SPIDR: variants seen among roughly 807,000 people sequenced by gnomAD.
The protein encoded by SPIDR is scaffold protein involved in DNA repair.
SPIDR carries 93 observed loss-of-function variants against 104.6 expected under a neutral mutation model. The observed-to-expected ratio is 0.89, with a 90% confidence interval of 0.75 to 1.06. SPIDR has a LOEUF of 1.06. Ranked by LOEUF, SPIDR falls within the 50% of genes least tolerant of loss-of-function variation. The pLI, the probability that SPIDR is intolerant of heterozygous loss-of-function variation, is 0.00. For missense variants in SPIDR, 1,154 were observed against 1,111.2 expected (o/e 1.04, Z -0.55); for synonymous variants, 431 against 416.9 (o/e 1.03, Z -0.41).
chr8:47,592,414 A>G, intron 8 of SPIDR: 1 of 1,429,940 alleles, frequency 7.0e-7, no homozygotes, highest in Non-Finnish European at 9.9e-7. Context: ...AGGGGCTGCC[A>G]TTGAGTATTC....
chr8:47,539,145 G>C (rs1469631016), intron 8 of SPIDR, among the ~76,000 whole-genome samples: 1 of 152,060 alleles, frequency 6.6e-6, no homozygotes, highest in Non-Finnish European at 1.5e-5. Flanking sequence ...ACAGGCATGA[G>C]CCACCATGCC....
chr8:47,456,054 G>A (rs1554709586), intron 8 of SPIDR, among the ~76,000 whole-genome samples: 1 of 152,170 alleles, frequency 6.6e-6, no homozygotes, highest in African/African-American at 2.4e-5. Flanking sequence ...ATTCTTGAGT[G>A]CACGCATTAC....
intron 5 of SPIDR, among the ~76,000 whole-genome samples, chr8:47,374,947 T>A (rs2058472168): frequency 6.6e-6 from 1 of 152,024 alleles, no homozygotes; most frequent in Admixed American, 6.6e-5. Context: ...TCCCAGCTAC[T>A]CAGGAGGCTG....
chr8:47,596,110 C>CA, intron 9 of SPIDR, 104 bp downstream of exon 9: 1 of 979,496 alleles, frequency 1.0e-6, no homozygotes, highest in Non-Finnish European at 1.5e-6. Context: ...TGTCTCCCTC[C>CA]AAAAACCCCA....
intron 8 of SPIDR, among the ~76,000 whole-genome samples, chr8:47,590,313 A>C (rs1445097353): frequency 2.6e-5 from 4 of 152,028 alleles, no homozygotes; most frequent in African/African-American, 9.7e-5. Flanking sequence ...AGTTCTGTAA[A>C]ATTTCCTCTC....
chr8:47,647,525 GAATC>G (rs2070637656), intron 10 of SPIDR, among the ~76,000 whole-genome samples: 1 of 151,986 alleles, frequency 6.6e-6, no homozygotes, highest in African/African-American at 2.4e-5. Context: ...TGAGGCAGGA[GAATC>G]GCTTGAACTC....
intron 8 of SPIDR, among the ~76,000 whole-genome samples, chr8:47,537,966 C>T (rs1281597475): frequency 3.3e-5 from 5 of 151,956 alleles, no homozygotes; most frequent in Non-Finnish European, 5.9e-5. Flanking sequence ...CATTTGAGGT[C>T]AGGAGTTCGA....
intron 3 of SPIDR, 143 bp downstream of exon 3, chr8:47,284,237 A>T: frequency 1.6e-6 from 1 of 618,102 alleles, no homozygotes; most frequent in Non-Finnish European, 2.7e-6. Context: ...AGATAAGGTA[A>T]AAAGATATTT....
chr8:47,691,794 C>G (rs982668222), intron 11 of SPIDR, among the ~76,000 whole-genome samples: 1 of 152,106 alleles, frequency 6.6e-6, no homozygotes, highest in Non-Finnish European at 1.5e-5. Context: ...ATGGGCACAC[C>G]GGGGGTTACA....
chr8:47,484,337 T>A (rs2154362959), intron 8 of SPIDR, among the ~76,000 whole-genome samples: 1 of 152,374 alleles, frequency 6.6e-6, no homozygotes, highest in East Asian at 1.9e-4. Context: ...CCACTGCTCT[T>A]CGCATCTGCT....
At chr8:47,530,336 C>T (rs1045024147) in intron 8 of SPIDR, among the ~76,000 whole-genome samples, 1 of 151,994 alleles carries the variant, frequency 6.6e-6, no homozygotes, top group Admixed American at 6.6e-5. Flanking sequence ...CCCAGCTACT[C>T]GGGAGGCTGA....
At chr8:47,272,053 C>T (rs1935573598) in intron 1 of SPIDR, among the ~76,000 whole-genome samples, 1 of 152,172 alleles carries the variant, frequency 6.6e-6, no homozygotes, top group South Asian at 2.1e-4. Context: ...CGGTTCACTG[C>T]AACTTCTGCC....
intron 8 of SPIDR, among the ~76,000 whole-genome samples, chr8:47,552,154 G>A (rs984931471): frequency 6.6e-6 from 1 of 152,112 alleles, no homozygotes; most frequent in Non-Finnish European, 1.5e-5. Flanking sequence ...TACAATTTTT[G>A]TTCTTTTACA....
chr8:47,521,194 T>C (rs761036354), intron 8 of SPIDR, among the ~76,000 whole-genome samples: 1 of 152,230 alleles, frequency 6.6e-6, no homozygotes, highest in Non-Finnish European at 1.5e-5. Flanking sequence ...CAAGGCAAAG[T>C]TGAGGTCAAC....
intron 1 of SPIDR, among the ~76,000 whole-genome samples, chr8:47,261,309 C>T (rs2032211064): frequency 6.6e-6 from 1 of 152,228 alleles, no homozygotes; most frequent in Non-Finnish European, 1.5e-5. Context: ...ACTCTTGTCT[C>T]TTTTTGATTC....
intron 11 of SPIDR, 141 bp downstream of exon 11, chr8:47,674,082 T>A: frequency 3.9e-6 from 4 of 1,029,308 alleles, no homozygotes; most frequent in Non-Finnish European, 5.5e-6. Context: ...GGCCAGGAGT[T>A]GAGTGGAATC....
chr8:47,692,980 C>T (rs117871508), intron 11 of SPIDR, among the ~76,000 whole-genome samples: 4 of 152,262 alleles, frequency 2.6e-5, no homozygotes, highest in Admixed American at 2.0e-4. Flanking sequence ...CTTTCCAGAG[C>T]GATGGCCTCA....
At chr8:47,405,324 A>G (rs60384924) in intron 6 of SPIDR, among the ~76,000 whole-genome samples, 3,215 of 125,090 alleles carry the variant, frequency 0.026, 35 homozygotes, top group South Asian at 0.054. Flanking sequence ...GTGTGTGTGT[A>G]TATATGTGTG....
At chr8:47,355,380 C>T (rs1247686278) in intron 5 of SPIDR, among the ~76,000 whole-genome samples, 3 of 141,628 alleles carry the variant, frequency 2.1e-5, no homozygotes, top group Non-Finnish European at 4.5e-5. Flanking sequence ...TTCATTATGT[C>T]CGTATTCATT....
Sources: gnomAD v4.1 joint callset for allele counts (sites outside exome capture counted in the v4.1 genomes callset) on GRCh38, gnomAD v4.1.1 for gene constraint, MANE v1.5 for transcripts, NCBI Gene and HGNC (gene_info 2026-07-23, HGNC 2026-07-21) for gene names.